The following MTAP variants were observed in gnomAD, a reference collection of about 807,000 sequenced individuals.
MTAP encodes the protein methylthioadenosine phosphorylase.
A neutral mutation model predicts 33.6 loss-of-function variants in MTAP; 33 were observed. The observed-to-expected ratio is 0.98, with a 90% CI of 0.74 to 1.31. The LOEUF (loss-of-function observed/expected upper bound fraction) is 1.31. MTAP is among the 40% of genes most tolerant of loss of function. The probability of loss-of-function intolerance (pLI) is 0.00; values close to 1 mark genes in which losing one functional copy is unlikely to be tolerated. For missense variants in MTAP, 367 were observed against 360.0 expected, an observed-to-expected ratio of 1.02 and a Z score of -0.16; for synonymous variants, 148 against 125.7, an observed-to-expected ratio of 1.18 and a Z score of -1.19.
chr9:21,857,702 T>C (rs972821569), intron 6 of MTAP, among the ~76,000 whole-genome samples: 17 of 152,246 alleles, frequency 1.1e-4, no homozygotes, highest in Non-Finnish European at 2.1e-4. Context: ...AATAATTTTA[T>C]CCATAAACAC....
intron 4 of MTAP, among the ~76,000 whole-genome samples, chr9:21,824,892 C>T (rs1274390408): frequency 6.6e-6 from 1 of 152,214 alleles, no homozygotes; most frequent in African/African-American, 2.4e-5. Flanking sequence ...GCGTGGGACC[C>T]TCCGAGCTAT....
intron 5 of MTAP, among the ~76,000 whole-genome samples, chr9:21,849,423 T>C (rs941771458): frequency 6.6e-6 from 1 of 152,294 alleles, no homozygotes; most frequent in East Asian, 1.9e-4. Flanking sequence ...AATGGAGTTT[T>C]AGCTCAGGTC....
chr9:21,814,421 A>G (rs1053474300), intron 1 of MTAP, among the ~76,000 whole-genome samples: 1 of 152,222 alleles, frequency 6.6e-6, no homozygotes, highest in African/African-American at 2.4e-5. Context: ...TTGAAAAACA[A>G]CAATGCTCAG....
chr9:21,862,189 TAGA>T lies in MTAP; in HGVS notation c.*176_*178del. The T allele has an allele frequency of 7.3e-7, 1 of 1,367,202 alleles. No individual in the cohort carries two copies. Among genetic ancestry groups the T allele is most frequent in the Non-Finnish European group, 9.5e-7 (1 of 1,057,992 alleles). 84.7% of individuals were successfully genotyped at this position (1,367,202 alleles called of 1,614,324 possible). On this transcript the variant is annotated 3_prime_UTR_variant, in exon 8 of 8. Transcript: ENST00000644715. The stretch of plus-strand genomic sequence containing the variant: ...GTGTATTAGAGACTCCTGAATGATT[TAGA>T]CAACTTCAAAATACAGAAGAAAAGC...
chr9:21,889,308 C>T (rs1818162431), intron 1 of MTAP, among the ~76,000 whole-genome samples: 1 of 151,886 alleles, frequency 6.6e-6, no homozygotes, highest in Admixed American at 6.6e-5. Context: ...ATTCTTTTAA[C>T]TTCTTTAAGT....
intron 5 of MTAP, among the ~76,000 whole-genome samples, chr9:21,853,916 A>T (rs980757059): frequency 6.6e-6 from 1 of 152,202 alleles, no homozygotes; most frequent in Non-Finnish European, 1.5e-5. Flanking sequence ...CTAAGAAAAA[A>T]TGAAGGTAAT....
chr9:21,863,235 A>G lies in MTAP; in HGVS notation c.*1221A>G. 1.0e-6 allele frequency: 1 copy of G among 971,970 alleles called. No homozygotes were observed. The highest frequency in any genetic ancestry group is 1.2e-6 in the Non-Finnish European group (1 of 817,704). 60.2% of individuals were successfully genotyped at this position (971,970 alleles called of 1,614,324 possible). On this transcript the variant is annotated 3_prime_UTR_variant, in exon 8 of 8. Transcript: ENST00000644715. The stretch of plus-strand genomic sequence containing the variant: ...TCCTTTTTATGAGTTAAATTATTTT[A>G]TACGAGTTGGTAATTTTTGCTTTTT...
chr9:21,846,596 G>T (rs1489752870), intron 5 of MTAP, among the ~76,000 whole-genome samples: 1 of 152,152 alleles, frequency 6.6e-6, no homozygotes, highest in Non-Finnish European at 1.5e-5. Context: ...ATAGATATTG[G>T]TGTAGATGTG....
intron 4 of MTAP, among the ~76,000 whole-genome samples, chr9:21,837,650 G>A (rs1825143369): frequency 6.6e-6 from 1 of 152,166 alleles, no homozygotes. Flanking sequence ...AATCCAAAGT[G>A]GTTACCCCGT....
chr9:21,837,167 A>G (rs2118313609), intron 4 of MTAP, among the ~76,000 whole-genome samples: 1 of 152,346 alleles, frequency 6.6e-6, no homozygotes, highest in South Asian at 2.1e-4. Context: ...GACTTGAACT[A>G]AGACACTTTA....
intron 1 of MTAP, among the ~76,000 whole-genome samples, chr9:21,873,587 C>A (rs1028641114): frequency 2.0e-5 from 3 of 150,576 alleles, no homozygotes; most frequent in African/African-American, 7.4e-5. Flanking sequence ...CTGTTGGTGC[C>A]TTGATCTTGG....
chr9:21,820,964 C>T (rs189850016), intron 4 of MTAP, among the ~76,000 whole-genome samples: 10 of 152,296 alleles, frequency 6.6e-5, no homozygotes, highest in Admixed American at 3.9e-4. Flanking sequence ...GTGATTTTTG[C>T]ACATTGATTT....
chr9:21,836,845 A>G (rs997267012), intron 4 of MTAP, among the ~76,000 whole-genome samples: 3 of 152,172 alleles, frequency 2.0e-5, no homozygotes, highest in Admixed American at 1.3e-4. Context: ...GTGATGAACT[A>G]GAAGTAACAG....
chr9:21,804,137 G>A (rs1301261876), intron 1 of MTAP, among the ~76,000 whole-genome samples: 1 of 152,218 alleles, frequency 6.6e-6, no homozygotes, highest in African/African-American at 2.4e-5. Flanking sequence ...GAATTTGCTA[G>A]GAGGGCTAGA....
chr9:21,834,799 T>C (rs922316104), intron 4 of MTAP, among the ~76,000 whole-genome samples: 2 of 152,230 alleles, frequency 1.3e-5, no homozygotes, highest in African/African-American at 4.8e-5. Context: ...TAAAGTAATA[T>C]ATTCATAGGT....
chr9:21,887,168 T>C (rs1363705853), intron 1 of MTAP, among the ~76,000 whole-genome samples: 1 of 152,176 alleles, frequency 6.6e-6, no homozygotes, highest in Non-Finnish European at 1.5e-5. Context: ...CGTGCCCGTT[T>C]GTTACATATG....
At chr9:21,885,749 A>C (rs894084577) in intron 1 of MTAP, among the ~76,000 whole-genome samples, 1 of 146,308 alleles carries the variant, frequency 6.8e-6, no homozygotes, top group Non-Finnish European at 1.5e-5. Context: ...CCATTATTTC[A>C]TTCCTTTTTA....
intron 5 of MTAP, among the ~76,000 whole-genome samples, chr9:21,838,537 T>C (rs1825165516): frequency 6.6e-6 from 1 of 152,240 alleles, no homozygotes; most frequent in Non-Finnish European, 1.5e-5. Flanking sequence ...GTAACTGCTT[T>C]TGTGAATTAA....
intron 1 of MTAP, chr9:21,930,882 T>C: frequency 1.6e-6 from 1 of 632,018 alleles, no homozygotes; most frequent in East Asian, 2.7e-5. Context: ...GTAAGGAACC[T>C]GGAAATGGGA....
Sources: allele counts gnomAD v4.1 joint callset (sites outside exome capture counted in the v4.1 genomes callset), GRCh38; gene constraint gnomAD v4.1.1; transcripts MANE v1.5; gene names NCBI Gene and HGNC (gene_info 2026-07-23, HGNC 2026-07-21).